C16orf95: variants seen among roughly 807,000 people sequenced by gnomAD.
The protein encoded by C16orf95 is uncharacterized protein C16orf95.
A neutral mutation model predicts 32.1 loss-of-function variants in C16orf95; 41 were observed. The observed-to-expected ratio is 1.28, with a 90% CI of 1.00 to 1.66. C16orf95 has a LOEUF of 1.66. C16orf95 is among the 40% of genes most tolerant of loss of function. The probability of loss-of-function intolerance (pLI) is 0.00; values close to 1 mark genes in which losing one functional copy is unlikely to be tolerated. For missense variants in C16orf95, 399 were observed against 325.9 expected (o/e 1.22, Z -1.73); for synonymous variants, 147 against 128.9 (o/e 1.14, Z -0.95).
chr16:87,317,372 C>A lies in C16orf95; in HGVS notation c.-130G>T. On this transcript the variant is annotated 5_prime_UTR_variant, in exon 1 of 7. Transcript: ENST00000567970. ...GCTCAACCCCAGCCCCAACCTCAAC[C>A]GCTCAGAGGAGCCCAACAACGCCCG... 1.5e-5 allele frequency: 21 copies of A among 1,405,534 alleles called. No individual in the cohort carries two copies. The highest frequency in any genetic ancestry group is 1.8e-5 in the Non-Finnish European group (20 of 1,083,722). The allele number at this position is 1,405,534 out of a possible 1,614,324, so 87.1% of individuals were successfully genotyped here. A position where few individuals can be genotyped will look rare whatever the true frequency, so the allele number is the denominator to read the frequency against.
At position 87,317,305 on chromosome 16, in the gene C16orf95, G is replaced by A; in HGVS notation, c.-63C>T. ...ATCGTCCGCAGGCCCTGACGCCCTG[G>A]CTCCCGCCTTTCCCTCCTGCCCCAG... On this transcript the variant is annotated 5_prime_UTR_variant, in exon 1 of 7. Transcript: ENST00000567970. 9.7e-6 allele frequency: 14 copies of A among 1,450,686 alleles called. No homozygotes were observed. The highest frequency in any genetic ancestry group is 1.3e-5 in the Non-Finnish European group (14 of 1,100,406). 89.9% of individuals were successfully genotyped at this position (1,450,686 alleles called of 1,614,324 possible). A position where few individuals can be genotyped will look rare whatever the true frequency, so the allele number is the denominator to read the frequency against.
chr16:87,305,384 C>A lies in C16orf95; in HGVS notation c.701+335G>T, dbSNP rs138080576. 6.6e-6 allele frequency among the ~76,000 whole-genome samples: 1 copy of A among 151,886 alleles called. No homozygotes were observed. The highest frequency in any genetic ancestry group is 1.5e-5 in the Non-Finnish European group (1 of 67,968). On this transcript the variant is annotated intron_variant, in intron 6 of 6. Transcript: ENST00000567970. This position sits in a 1 kb window ranked among gnomAD's most constrained non-coding sequence, Gnocchi z 4.2. ...AGGGTGAGTGGCTGTTAAGATGCACCGTCAACCCCAACATAACAATGAAAA... is the reference window on the plus strand; with the variant it reads ...AGGGTGAGTGGCTGTTAAGATGCACAGTCAACCCCAACATAACAATGAAAA...
rs1317548018 is a variant in C16orf95, at chr16:87,305,001, G to A, written c.701+718C>T. On this transcript the variant is annotated intron_variant, in intron 6 of 6. Transcript: ENST00000567970. This position sits in a 1 kb window ranked among gnomAD's most constrained non-coding sequence, Gnocchi z 4.2. ...TCCTCATCCATGCAGTGTGATGCAG[G>A]CCCCCAGGCAGGAAGGAGCTGCACT... Among the ~76,000 whole-genome samples, 1 of 152,214 alleles carries A rather than the reference G, an allele frequency of 6.6e-6. No individual in the cohort carries two copies. Among genetic ancestry groups the A allele is most frequent in the African/African-American group, 2.4e-5 (1 of 41,456 alleles).
At chr16:87,311,645 C>T (rs1221207792) in intron 3 of C16orf95, among the ~76,000 whole-genome samples, 1 of 152,222 alleles carries the variant, frequency 6.6e-6, no homozygotes, top group African/African-American at 2.4e-5. Flanking sequence ...TTGGGCATGA[C>T]ACTTAGCATC....
At chr16:87,308,213 T>C (rs1008658780) in intron 5 of C16orf95, among the ~76,000 whole-genome samples, 13 of 152,134 alleles carry the variant, frequency 8.5e-5, no homozygotes, top group Admixed American at 3.9e-4. Flanking sequence ...CCGGGCACAG[T>C]GGTTCACGCC....
At chr16:87,309,478 G>A (rs1046808743) in intron 5 of C16orf95, among the ~76,000 whole-genome samples, 2 of 139,478 alleles carry the variant, frequency 1.4e-5, no homozygotes, top group East Asian at 4.4e-4. Context: ...CTGCCTCCCA[G>A]GTTCAAGCAA....
intron 2 of C16orf95, among the ~76,000 whole-genome samples, 172 bp downstream of exon 2, chr16:87,315,600 G>T (rs369857558): frequency 6.6e-6 from 1 of 152,240 alleles, no homozygotes; most frequent in Admixed American, 6.5e-5. Flanking sequence ...CTGAGGTGTT[G>T]TGAGGGCCTG....
chr16:87,305,960 G>A lies in C16orf95; in HGVS notation c.515-55C>T. On this transcript the variant is annotated intron_variant, in intron 5 of 6. Coordinates refer to ENST00000567970, the MANE Select transcript of C16orf95 (RefSeq NM_001195124.3). This position sits in a 1 kb window ranked among gnomAD's most constrained non-coding sequence, Gnocchi z 4.2. ...GGGCGTGTTCTCCGGGACTCTGTGA[G>A]CCACGAGGAGGCTGCAACACCAGCC... 7.6e-7 allele frequency: 1 copy of A among 1,311,172 alleles called. No individual in the cohort carries two copies. Among genetic ancestry groups the A allele is most frequent in the Non-Finnish European group, 9.8e-7 (1 of 1,016,766 alleles). 81.2% of individuals were successfully genotyped at this position (1,311,172 alleles called of 1,614,324 possible).
rs148310843 is a variant in C16orf95 at position 87,315,706 on chromosome 16, T to G, written c.204+66A>C. 81 of 1,263,112 alleles carry G rather than the reference T, an allele frequency of 6.4e-5. No homozygotes were observed. The African/African-American group carries it at 1.2e-3, about 18-fold the overall frequency. 78.2% of individuals were successfully genotyped at this position (1,263,112 alleles called of 1,614,324 possible). On this transcript the variant is annotated intron_variant, in intron 2 of 6. Transcript: ENST00000567970. The stretch of plus-strand genomic sequence containing the variant: ...ATGCAGCTTCTGGACCCACATTCCC[T>G]GCTCTCCTCACCCCACAGGGATATG...
chr16:87,311,575 C>G lies in C16orf95; in HGVS notation c.331-279G>C, dbSNP rs566455051. 2.2e-3 allele frequency among the ~76,000 whole-genome samples: 329 copies of G among 152,346 alleles called. 1 individual carries two copies. Among genetic ancestry groups the G allele is most frequent in the South Asian group, 8.3e-3 (40 of 4,822 alleles). ...TCTGCACCTGTGCCCTGGCGGAGCACACAGGTTGGTATTGGGAGACCTGGC... is the reference window on the plus strand; with the variant it reads ...TCTGCACCTGTGCCCTGGCGGAGCAGACAGGTTGGTATTGGGAGACCTGGC... On this transcript the variant is annotated intron_variant, in intron 3 of 6. Transcript: ENST00000567970.
intron 6 of C16orf95, chr16:87,303,661 CCA>C (rs1304126773): frequency 6.5e-6 from 1 of 154,916 alleles, no homozygotes; most frequent in Non-Finnish European, 1.4e-5. Flanking sequence ...ATCACCAACA[CCA>C]CAGAGTGAGT....
chr16:87,306,182 T>C (rs370336462), intron 5 of C16orf95: 3 of 294,414 alleles, frequency 1.0e-5, no homozygotes, highest in East Asian at 1.1e-4. Context: ...AGCTGGGACT[T>C]GTTTCCAAAT....
At position 87,305,921 on chromosome 16, in the gene C16orf95, G is replaced by A. The variant is rs371479610; in HGVS notation, c.515-16C>T. 1 of 1,409,848 alleles carries A rather than the reference G, an allele frequency of 7.1e-7. No individual in the cohort carries two copies. The highest frequency in any genetic ancestry group is 9.2e-7 in the Non-Finnish European group (1 of 1,086,286). 87.3% of individuals were successfully genotyped at this position (1,409,848 alleles called of 1,614,324 possible). ...AGCAGGGGTGCTAGGCAAAGAAAAG[G>A]TGGGTTGAGGACAGGGCGTGTTCTC... On this transcript the variant is annotated splice_polypyrimidine_tract_variant and intron_variant, in intron 5 of 6. Transcript: ENST00000567970. This position sits in a 1 kb window ranked among gnomAD's most constrained non-coding sequence, Gnocchi z 4.2.
At chr16:87,310,413 T>C (rs1911228609) in intron 4 of C16orf95, 80 bp from the exon 5 acceptor site, 1 of 1,385,750 alleles carries the variant, frequency 7.2e-7, no homozygotes. Flanking sequence ...ACTCCAAACC[T>C]CCAGGAGGGG....
chr16:87,309,614 GC>G lies in C16orf95; in HGVS notation c.514+682del, dbSNP rs570777479. On this transcript the variant is annotated intron_variant, in intron 5 of 6. Coordinates refer to ENST00000567970, the MANE Select transcript of C16orf95 (RefSeq NM_001195124.3). ...GCCCAGGCTGGTCTCAAACTCCTAA[GC>G]TCGGGCATTCCAGCCTCTTCAGCTA... Among the ~76,000 whole-genome samples the G allele has an allele frequency of 3.7e-3, 566 of 151,912 alleles. 3 individuals carry two copies. Among genetic ancestry groups the G allele is most frequent in the African/African-American group, 0.013 (532 of 41,420 alleles).
At position 87,305,142 on chromosome 16, in the gene C16orf95, G is replaced by T. The variant is rs1251103159; in HGVS notation, c.701+577C>A. On this transcript the variant is annotated intron_variant, in intron 6 of 6. Coordinates refer to ENST00000567970, the MANE Select transcript of C16orf95 (RefSeq NM_001195124.3). The surrounding 1 kb of genome is among the most constrained non-coding windows in gnomAD (Gnocchi z 4.2). ...CCCCGAAGCCCAGCTGTGGCCCGGG[G>T]AGTGGCCCCGGAGGCTTCCTGGGGG... 1.3e-5 allele frequency among the ~76,000 whole-genome samples: 2 copies of T among 152,198 alleles called. No homozygotes were observed. The highest frequency in any genetic ancestry group is 2.4e-5 in the African/African-American group (1 of 41,452).
intron 4 of C16orf95, among the ~76,000 whole-genome samples, chr16:87,310,700 G>A (rs999581111): frequency 6.6e-5 from 10 of 152,104 alleles, no homozygotes; most frequent in Admixed American, 2.0e-4. Context: ...GGTCCGTCCC[G>A]GGCACCCTCC....
rs757879370 is a variant in C16orf95, at chr16:87,305,584, G to A, written c.701+135C>T. The stretch of plus-strand genomic sequence containing the variant: ...CAGAGCACCACAGGACACACTCACA[G>A]TGCCGGGCCTTGGACGCCTGTCAAG... On this transcript the variant is annotated intron_variant, in intron 6 of 6. Coordinates refer to ENST00000567970, the MANE Select transcript of C16orf95 (RefSeq NM_001195124.3). The surrounding 1 kb of genome is among the most constrained non-coding windows in gnomAD (Gnocchi z 4.2). 3.8e-4 allele frequency: 261 copies of A among 678,468 alleles called. 1 individual carries two copies. Among genetic ancestry groups the A allele is most frequent in the South Asian group, 1.1e-3 (57 of 52,486 alleles). 42.0% of individuals were successfully genotyped at this position (678,468 alleles called of 1,614,324 possible).
In C16orf95 at chr16:87,305,712, T is replaced by C. The variant is rs929425622; in HGVS notation, c.701+7A>G. ...CACCCACTGTCCCCCATCCCCCACC[T>C]GCTCACCGAATGGCCATGATGACCC... is the stretch of plus-strand genomic sequence containing the variant. On this transcript the variant is annotated splice_region_variant and intron_variant, in intron 6 of 6. Transcript: ENST00000567970. This position sits in a 1 kb window ranked among gnomAD's most constrained non-coding sequence, Gnocchi z 4.2. 39 of 1,495,972 alleles carry C rather than the reference T, an allele frequency of 2.6e-5. No individual in the cohort carries two copies. The highest frequency in any genetic ancestry group is 4.3e-5 in the Admixed American group (2 of 46,146). The allele number at this position is 1,495,972 out of a possible 1,614,324, so 92.7% of individuals were successfully genotyped here. A position where few individuals can be genotyped will look rare whatever the true frequency, so the allele number is the denominator to read the frequency against.
Sources: gnomAD v4.1 joint callset for allele counts (sites outside exome capture counted in the v4.1 genomes callset) on GRCh38, gnomAD v4.1.1 for gene constraint, Gnocchi (gnomAD v3.1) non-coding constraint, MANE v1.5 for transcripts, NCBI Gene and HGNC (gene_info 2026-07-23, HGNC 2026-07-21) for gene names.